The following H6PD variants were observed in gnomAD, a reference collection of about 807,000 sequenced individuals.
The protein encoded by H6PD is hexose-6-phosphate dehydrogenase/glucose 1-dehydrogenase.
Under a neutral mutation model 61.2 loss-of-function variants are expected in H6PD, and 48 were observed. The observed-to-expected ratio is 0.78, with a 90% CI of 0.62 to 1.00. H6PD has a LOEUF of 1.00. Among genes scored for constraint, H6PD ranks in the 50% least tolerant of loss-of-function variants. The pLI is 0.00. For synonymous variants in H6PD, 480 were observed against 457.9 expected (o/e 1.05, Z -0.62); for missense variants, 1,093 against 1,065.0 (o/e 1.03, Z -0.37).
intron 1 of H6PD, 39 bp from the exon 2 acceptor site, chr1:9,244,886 T>C: frequency 6.2e-7 from 1 of 1,600,844 alleles, no homozygotes; most frequent in Non-Finnish European, 8.6e-7. Flanking sequence ...CCATGTCTGA[T>C]CCTTCCTTGT....
rs1469638040 is a variant in H6PD at position 9,264,795 on chromosome 1, T to C, written c.2302T>C (p.Trp768Arg). The change falls in exon 5 of 5, where the codon TGG becomes CGG. Residue 768 changes from tryptophan (W) to arginine (R), a missense_variant. By Grantham distance (101) the Trp-to-Arg change is moderately radical. Coordinates refer to ENST00000377403, the MANE Select transcript of H6PD (RefSeq NM_004285.4). Reference sequence around the variant, plus strand: ...CCGGGTGGGCCATGAGCCCAAGAAGTGGCCCATCTCGGGTGTCCTGCCGCA... The same window carrying C: ...CCGGGTGGGCCATGAGCCCAAGAAGCGGCCCATCTCGGGTGTCCTGCCGCA... The part of the protein sequence containing the change: ...VSRVGHEPKK[W>R]PISGVLPHSG... The C allele has an allele frequency of 1.9e-6, 3 of 1,612,882 alleles. No individual in the cohort carries two copies. The highest frequency in any genetic ancestry group is 1.1e-5 in the South Asian group (1 of 91,080).
chr1:9,270,064 C>T lies in H6PD; in HGVS notation c.*5195C>T, dbSNP rs1638699687. 6.6e-6 allele frequency: 1 copy of T among 152,604 alleles called. No individual in the cohort carries two copies. Among genetic ancestry groups the T allele is most frequent in the Admixed American group, 6.5e-5 (1 of 15,270 alleles). The allele number at this position is 152,604 out of a possible 1,614,324, so 9.5% of individuals were successfully genotyped here. The stretch of plus-strand genomic sequence containing the variant: ...CCCTTTGCCGAAGTGTACCCTCTAG[C>T]CAACTTTTGGGAGCGCTTCTGTTTG... On this transcript the variant is annotated 3_prime_UTR_variant, in exon 5 of 5. Coordinates refer to ENST00000377403, the MANE Select transcript of H6PD (RefSeq NM_004285.4).
rs543465049 is a variant in H6PD, at chr1:9,269,742, C to T, written c.*4873C>T. The T allele has an allele frequency of 1.3e-5, 2 of 152,340 alleles. No individual in the cohort carries two copies. Among genetic ancestry groups the T allele is most frequent in the Non-Finnish European group, 2.9e-5 (2 of 68,062 alleles). 9.4% of individuals were successfully genotyped at this position (152,340 alleles called of 1,614,324 possible). A position where few individuals can be genotyped will look rare whatever the true frequency, so the allele number is the denominator to read the frequency against. On this transcript the variant is annotated 3_prime_UTR_variant, in exon 5 of 5. Transcript: ENST00000377403. The surrounding 1 kb of genome is among the most constrained non-coding windows in gnomAD (Gnocchi z 4.3). ...CCTTCTGCTTTAGAGCAGAGCTCCCCCTCCCATTTCCTCAGTCTTCCCTGC... is the reference window on the plus strand; with the variant it reads ...CCTTCTGCTTTAGAGCAGAGCTCCCTCTCCCATTTCCTCAGTCTTCCCTGC...
intron 3 of H6PD, among the ~76,000 whole-genome samples, chr1:9,256,441 A>G (rs1033451108): frequency 6.6e-6 from 1 of 151,844 alleles, no homozygotes; most frequent in African/African-American, 2.4e-5. Flanking sequence ...GCCCCCCAAC[A>G]CTGGTGCTGC....
chr1:9,239,338 AGATGG>A (rs1640932221), intron 1 of H6PD, among the ~76,000 whole-genome samples: 1 of 152,174 alleles, frequency 6.6e-6, no homozygotes, highest in African/African-American at 2.4e-5. Context: ...AGGTGCCTAA[AGATGG>A]GATGAGGATT....
At chr1:9,261,962 G>A in intron 3 of H6PD, 97 bp from the exon 4 acceptor site, 1 of 1,231,920 alleles carries the variant, frequency 8.1e-7, no homozygotes, top group Non-Finnish European at 1.2e-6. Context: ...GAGGATGCAG[G>A]ATGAATGTGC....
chr1:9,252,272 ATCTC>A (rs1557742374), intron 3 of H6PD, among the ~76,000 whole-genome samples: 1 of 152,064 alleles, frequency 6.6e-6, no homozygotes, highest in African/African-American at 2.4e-5. Context: ...ACATACTTAA[ATCTC>A]TATGTATTAG....
intron 3 of H6PD, among the ~76,000 whole-genome samples, chr1:9,255,142 G>T (rs1641476526): frequency 6.6e-6 from 1 of 152,128 alleles, no homozygotes; most frequent in Admixed American, 6.5e-5. Flanking sequence ...ATATAATGCT[G>T]CAATGAGCAT....
At position 9,266,519 on chromosome 1, in the gene H6PD, A is replaced by G. The variant is rs1308186643; in HGVS notation, c.*1650A>G. The G allele has an allele frequency of 6.6e-6, 1 of 152,170 alleles. No homozygotes were observed. The highest frequency in any genetic ancestry group is 1.5e-5 in the Non-Finnish European group (1 of 68,030). The allele number at this position is 152,170 out of a possible 1,614,324, so 9.4% of individuals were successfully genotyped here. ...TAGTTTTGTTTGTTCAGTATCCCAC[A>G]ACTTAAGGCTGGGAGATGGAACTCT... On this transcript the variant is annotated 3_prime_UTR_variant, in exon 5 of 5. Transcript: ENST00000377403.
At position 9,256,118 on chromosome 1, in the gene H6PD, C is replaced by T. The variant is rs79593096; in HGVS notation, c.746-5941C>T. On this transcript the variant is annotated intron_variant, in intron 3 of 4. Transcript: ENST00000377403. ...TTTAAAATAGGGGAAATAGAGGGGC[C>T]TCCTTATATGTTGTTATTCTGAGGA... 5.5e-3 allele frequency among the ~76,000 whole-genome samples: 832 copies of T among 152,282 alleles called. 4 individuals are homozygous for T. Among genetic ancestry groups the T allele is most frequent in the African/African-American group, 0.018 (766 of 41,540 alleles).
At position 9,264,338 on chromosome 1, in the gene H6PD, C is replaced by T; in HGVS notation, c.1845C>T (p.His615=). 1.2e-6 allele frequency: 2 copies of T among 1,612,488 alleles called. No homozygotes were observed. The highest frequency in any genetic ancestry group is 1.1e-5 in the South Asian group (1 of 91,086). The part of the protein sequence containing the change: ...AHYGFPWAHT[H]LWLVDERCVP... ...ATGGCTTCCCCTGGGCCCACACGCA[C>T]CTGTGGCTGGTTGACGAGCGCTGCG... Residue 615 remains histidine, a synonymous_variant, in exon 5 of 5, where the codon CAC becomes CAT. Transcript: ENST00000377403.
At chr1:9,237,433 G>C (rs12126056) in intron 1 of H6PD, among the ~76,000 whole-genome samples, 1 of 151,370 alleles carries the variant, frequency 6.6e-6, no homozygotes, top group African/African-American at 2.4e-5. Context: ...GGGTTTCACC[G>C]TGTTGGCCAG....
At chr1:9,260,366 T>C (rs1641683946) in intron 3 of H6PD, among the ~76,000 whole-genome samples, 1 of 151,948 alleles carries the variant, frequency 6.6e-6, no homozygotes, top group Non-Finnish European at 1.5e-5. Flanking sequence ...TGGTGTTGCA[T>C]TGTTGTTACA....
chr1:9,259,420 G>C (rs117973952), intron 3 of H6PD, among the ~76,000 whole-genome samples: 12 of 152,306 alleles, frequency 7.9e-5, no homozygotes, highest in African/African-American at 2.9e-4. Flanking sequence ...ACAACAACTT[G>C]TTGTTACACC....
chr1:9,249,096 C>T (rs372341023), intron 3 of H6PD, among the ~76,000 whole-genome samples: 1 of 152,220 alleles, frequency 6.6e-6, no homozygotes, highest in Non-Finnish European at 1.5e-5. Context: ...CCATCCCCAG[C>T]GAGGCTGGGA....
At chr1:9,248,296 TTC>T (rs1641250678) in intron 3 of H6PD, among the ~76,000 whole-genome samples, 1 of 152,204 alleles carries the variant, frequency 6.6e-6, no homozygotes, top group Non-Finnish European at 1.5e-5. Context: ...CTGGGCCATT[TTC>T]TCTTTTTCTT....
At chr1:9,256,469 C>G (rs969251452) in intron 3 of H6PD, among the ~76,000 whole-genome samples, 1 of 152,122 alleles carries the variant, frequency 6.6e-6, no homozygotes, top group Non-Finnish European at 1.5e-5. Flanking sequence ...AATGGCATAT[C>G]GGGCTGGATT....
intron 3 of H6PD, 83 bp from the exon 4 acceptor site, chr1:9,261,976 C>T: frequency 5.1e-6 from 7 of 1,385,616 alleles, no homozygotes; most frequent in Non-Finnish European, 7.2e-6. Flanking sequence ...AATGTGCGGG[C>T]TGGGGTTTTG....
chr1:9,259,102 C>T (rs1025039766), intron 3 of H6PD, among the ~76,000 whole-genome samples: 2 of 152,210 alleles, frequency 1.3e-5, no homozygotes, highest in African/African-American at 4.8e-5. Context: ...CGCCATTCTC[C>T]TGCCTCAGCC....
Sources: allele counts gnomAD v4.1 joint callset (sites outside exome capture counted in the v4.1 genomes callset), GRCh38; gene constraint gnomAD v4.1.1; non-coding constraint Gnocchi (gnomAD v3.1); transcripts MANE v1.5; gene names NCBI Gene and HGNC (gene_info 2026-07-23, HGNC 2026-07-21).